Variants in LY86 observed in about 807,000 individuals in gnomAD.
LY86 encodes the protein lymphocyte antigen 86.
A neutral mutation model predicts 17.3 loss-of-function variants in LY86; 20 were observed. That is an observed-to-expected ratio of 1.15 (90% CI 0.81 to 1.68). LY86 has a LOEUF of 1.68. Ranked by LOEUF, LY86 falls within the 40% of genes most tolerant of loss-of-function variation. The pLI is 0.00. For synonymous variants in LY86, 74 were observed against 70.6 expected (o/e 1.05, Z -0.24); for missense variants, 200 against 191.9 (o/e 1.04, Z -0.25).
At chr6:6,613,193 T>C (rs1429001112) in intron 1 of LY86, among the ~76,000 whole-genome samples, 1 of 152,062 alleles carries the variant, frequency 6.6e-6, no homozygotes, top group Non-Finnish European at 1.5e-5. Context: ...CCCACCAGAC[T>C]CAGGAGCCCA....
intron 1 of LY86, among the ~76,000 whole-genome samples, chr6:6,598,225 T>C (rs1012856617): frequency 6.0e-4 from 92 of 152,320 alleles, no homozygotes; most frequent in African/African-American, 2.2e-3. Context: ...ATATAGCAGA[T>C]TTTTTTAATT....
chr6:6,619,061 C>T (rs1335577799), intron 1 of LY86, among the ~76,000 whole-genome samples: 2 of 152,310 alleles, frequency 1.3e-5, no homozygotes, highest in East Asian at 3.9e-4. Flanking sequence ...TATGCATCAT[C>T]CTCCTGTAAA....
At chr6:6,604,541 CCA>C (rs1261888658) in intron 1 of LY86, among the ~76,000 whole-genome samples, 2 of 151,916 alleles carry the variant, frequency 1.3e-5, no homozygotes, top group African/African-American at 2.4e-5. Flanking sequence ...TCAAAATCTA[CCA>C]CAGAGAAATA....
At chr6:6,605,539 A>G (rs922368786) in intron 1 of LY86, among the ~76,000 whole-genome samples, 1 of 152,250 alleles carries the variant, frequency 6.6e-6, no homozygotes, top group African/African-American at 2.4e-5. Flanking sequence ...GCTACCCCAT[A>G]ACATGGCAAC....
At chr6:6,641,681 C>T (rs1380932197) in intron 3 of LY86, among the ~76,000 whole-genome samples, 1 of 152,146 alleles carries the variant, frequency 6.6e-6, no homozygotes, top group Non-Finnish European at 1.5e-5. Context: ...AACGTACCAG[C>T]AGCCAGGTGG....
At chr6:6,631,334 A>G (rs946836681) in intron 3 of LY86, among the ~76,000 whole-genome samples, 1 of 152,220 alleles carries the variant, frequency 6.6e-6, no homozygotes, top group Non-Finnish European at 1.5e-5. Context: ...CGGGGGGTGG[A>G]ACTGGGTTTC....
chr6:6,599,168 G>A (rs190592394), intron 1 of LY86, among the ~76,000 whole-genome samples: 5 of 152,312 alleles, frequency 3.3e-5, no homozygotes, highest in South Asian at 4.1e-4. Flanking sequence ...ATGAGGCTCC[G>A]TGCTCATCTA....
At chr6:6,612,075 A>AG (rs1345053994) in intron 1 of LY86, among the ~76,000 whole-genome samples, 5 of 152,242 alleles carry the variant, frequency 3.3e-5, no homozygotes, top group African/African-American at 1.2e-4. Context: ...CCAATGTATT[A>AG]GCAAGATTTG....
At chr6:6,631,696 T>C (rs73367187) in intron 3 of LY86, among the ~76,000 whole-genome samples, 4,550 of 152,278 alleles carry the variant, frequency 0.03, 188 homozygotes, top group African/African-American at 0.096. Flanking sequence ...CAAACTTTCT[T>C]CTGGAAAGGG....
At chr6:6,607,725 C>T (rs1180564549) in intron 1 of LY86, among the ~76,000 whole-genome samples, 1 of 152,018 alleles carries the variant, frequency 6.6e-6, no homozygotes, top group African/African-American at 2.4e-5. Flanking sequence ...CATGGCGAAA[C>T]CCCGTCTCTA....
intron 1 of LY86, among the ~76,000 whole-genome samples, chr6:6,613,272 G>A (rs548481485): frequency 2.0e-5 from 3 of 152,382 alleles, no homozygotes; most frequent in South Asian, 2.1e-4. Context: ...CGCGCCGTGC[G>A]CCCGCACTCC....
Position 6,598,991 on chromosome 6 carries a change from C to T in LY86, c.136+10121C>T, listed in dbSNP as rs9504863. On this transcript the variant is annotated intron_variant, in intron 1 of 4. Coordinates refer to ENST00000230568, the MANE Select transcript of LY86 (RefSeq NM_004271.4). ...TATTCTGCCTAATTTGTATATGGGA[C>T]CACTTGAGCTGATCAGTCCTTCTGT... is the stretch of plus-strand genomic sequence containing the variant. Among the ~76,000 whole-genome samples, 1,454 of 152,280 alleles carry T rather than the reference C, an allele frequency of 9.5e-3. 14 individuals are homozygous for T. Among genetic ancestry groups the T allele is most frequent in the South Asian group, 0.026 (123 of 4,814 alleles).
At chr6:6,613,287 C>T (rs530526565) in intron 1 of LY86, among the ~76,000 whole-genome samples, 1 of 152,356 alleles carries the variant, frequency 6.6e-6, no homozygotes, top group East Asian at 1.9e-4. Flanking sequence ...CACTCCTCAG[C>T]CCTTGTGCAG....
chr6:6,602,410 T>C (rs1760936674), intron 1 of LY86, among the ~76,000 whole-genome samples: 1 of 152,200 alleles, frequency 6.6e-6, no homozygotes, highest in South Asian at 2.1e-4. Flanking sequence ...GCAAGAAACC[T>C]GGTGTAAATT....
intron 3 of LY86, among the ~76,000 whole-genome samples, chr6:6,641,777 T>A (rs1052824711): frequency 1.3e-5 from 2 of 151,862 alleles, no homozygotes; most frequent in Non-Finnish European, 2.9e-5. Flanking sequence ...TAGTTTGGGG[T>A]ACCCCCAAGT....
chr6:6,638,780 T>C (rs184157286), intron 3 of LY86, among the ~76,000 whole-genome samples: 2 of 150,692 alleles, frequency 1.3e-5, no homozygotes, highest in Non-Finnish European at 3.0e-5. Flanking sequence ...TTAGCATTAG[T>C]TATATCTCCT....
At position 6,612,486 on chromosome 6, in the gene LY86, G is replaced by A. The variant is rs150612255; in HGVS notation, c.137-12440G>A. Among the ~76,000 whole-genome samples, 349 of 151,702 alleles carry A rather than the reference G, an allele frequency of 2.3e-3. 2 individuals are homozygous for A. The highest frequency in any genetic ancestry group is 7.9e-3 in the African/African-American group (326 of 41,216). The stretch of plus-strand genomic sequence containing the variant: ...CATAAAAGCAATGCAGACCCAAAGT[G>A]TAAACAACAAAAACACTTACTGCAA... On this transcript the variant is annotated intron_variant, in intron 1 of 4. Coordinates refer to ENST00000230568, the MANE Select transcript of LY86 (RefSeq NM_004271.4).
intron 1 of LY86, among the ~76,000 whole-genome samples, chr6:6,612,171 C>T (rs927880202): frequency 5.5e-5 from 8 of 145,680 alleles, no homozygotes; most frequent in Admixed American, 1.4e-4. Context: ...TTTGGGGGTT[C>T]TTGGTCTCAC....
chr6:6,626,702 G>A (rs1761794975), intron 3 of LY86, among the ~76,000 whole-genome samples: 1 of 152,150 alleles, frequency 6.6e-6, no homozygotes, highest in Non-Finnish European at 1.5e-5. Flanking sequence ...TATAAAAAAG[G>A]GCTGGCAGCA....
Sources: gnomAD v4.1 joint callset for allele counts (sites outside exome capture counted in the v4.1 genomes callset) on GRCh38, gnomAD v4.1.1 for gene constraint, MANE v1.5 for transcripts, NCBI Gene and HGNC (gene_info 2026-07-23, HGNC 2026-07-21) for gene names.